BCAS3: variants seen among roughly 807,000 people sequenced by gnomAD.
The protein encoded by BCAS3 is BCAS4/BCAS3 fusion.
A neutral mutation model predicts 116.1 loss-of-function variants in BCAS3; 53 were observed. The ratio of observed to expected loss-of-function variants is 0.46; its 90% CI spans 0.37 to 0.57. The LOEUF (loss-of-function observed/expected upper bound fraction) is 0.57, where lower values mean the gene tolerates loss of function less well. Among genes scored for constraint, BCAS3 ranks in the 20% least tolerant of loss-of-function variants. The pLI is 0.00. For missense variants in BCAS3, 917 were observed against 1,165.4 expected (o/e 0.79, Z 3.10); for synonymous variants, 391 against 408.2 (o/e 0.96, Z 0.51).
In BCAS3 at chr17:61,026,464, G is replaced by T. The variant is rs1372971093; in HGVS notation, c.1638-8202G>T. ...ATATCAAATTTTTTATCCAGTCATC[G>T]TTAGCTAATTTTAACCATTTTGTGT... On this transcript the variant is annotated intron_variant, in intron 16 of 23. Coordinates refer to ENST00000407086, the MANE Select transcript of BCAS3 (RefSeq NM_017679.5). This position sits in a 1 kb window ranked among gnomAD's most constrained non-coding sequence, Gnocchi z 5.0. 6.6e-6 allele frequency among the ~76,000 whole-genome samples: 1 copy of T among 151,964 alleles called. No homozygotes were observed. Among genetic ancestry groups the T allele is most frequent in the East Asian group, 1.9e-4 (1 of 5,198 alleles).
chr17:61,117,101 C>T (rs1401957645), intron 22 of BCAS3, among the ~76,000 whole-genome samples: 1 of 152,188 alleles, frequency 6.6e-6, no homozygotes, highest in African/African-American at 2.4e-5. Flanking sequence ...CCTTTCTCCA[C>T]TCCTTTCGGG....
At chr17:60,893,270 G>C (rs2057297045) in intron 10 of BCAS3, among the ~76,000 whole-genome samples, 1 of 152,014 alleles carries the variant, frequency 6.6e-6, no homozygotes, top group Non-Finnish European at 1.5e-5. Flanking sequence ...GTCTATTTTT[G>C]TTGCATTTGT....
rs145142132 is a variant in BCAS3, at chr17:61,049,903, G to T, written c.2029+9011G>T. ...ATGCGCCACCACGCCTGGCTAATTT[G>T]TTGTATTTTTAGTAGAGACGGGGTT... is the stretch of plus-strand genomic sequence containing the variant. On this transcript the variant is annotated intron_variant, in intron 19 of 23. Transcript: ENST00000407086. 2.0e-3 allele frequency among the ~76,000 whole-genome samples: 298 copies of T among 151,538 alleles called. 1 individual carries two copies. The highest frequency in any genetic ancestry group is 6.9e-3 in the African/African-American group (284 of 41,398).
intron 22 of BCAS3, among the ~76,000 whole-genome samples, chr17:61,320,948 G>A (rs2055160371): frequency 1.3e-5 from 2 of 152,140 alleles, no homozygotes; most frequent in South Asian, 2.1e-4. Flanking sequence ...TATCTCAGAT[G>A]AGCATTAAAG....
intron 14 of BCAS3, among the ~76,000 whole-genome samples, chr17:60,983,486 G>A (rs976478433): frequency 6.6e-6 from 1 of 152,094 alleles, no homozygotes; most frequent in Non-Finnish European, 1.5e-5. Flanking sequence ...TTGACAGCTA[G>A]TATCTTTAGC....
At chr17:61,125,877 A>G (rs2076022678) in intron 22 of BCAS3, among the ~76,000 whole-genome samples, 1 of 152,180 alleles carries the variant, frequency 6.6e-6, no homozygotes, top group Admixed American at 6.6e-5. Context: ...TAAATGCTGA[A>G]GATAGGCTTT....
intron 22 of BCAS3, among the ~76,000 whole-genome samples, chr17:61,091,755 G>C (rs1171002833): frequency 6.6e-6 from 1 of 152,154 alleles, no homozygotes; most frequent in East Asian, 1.9e-4. Flanking sequence ...TGTTCTGGAA[G>C]CTTGGTGTTA....
intron 7 of BCAS3, among the ~76,000 whole-genome samples, chr17:60,864,836 G>A (rs1472206585): frequency 6.6e-6 from 1 of 152,114 alleles, no homozygotes; most frequent in Non-Finnish European, 1.5e-5. Context: ...AGAGGCTATT[G>A]TAGGATTATT....
At chr17:61,090,096 C>T (rs532649961) in intron 22 of BCAS3, among the ~76,000 whole-genome samples, 4 of 152,296 alleles carry the variant, frequency 2.6e-5, no homozygotes, top group African/African-American at 9.6e-5. Flanking sequence ...AGTCATTCTC[C>T]TACCATGCCA....
chr17:61,024,643 G>A (rs900797955), intron 16 of BCAS3, among the ~76,000 whole-genome samples: 3 of 140,120 alleles, frequency 2.1e-5, no homozygotes, highest in South Asian at 2.1e-4. Flanking sequence ...GGAAAATCTC[G>A]AGGTTTTTTT....
At chr17:60,845,797 T>A (rs199808657) in intron 7 of BCAS3, among the ~76,000 whole-genome samples, 8 of 149,224 alleles carry the variant, frequency 5.4e-5, no homozygotes, top group African/African-American at 2.0e-4. Context: ...TTTTTTTTTT[T>A]TCTCTCTCTC....
At chr17:61,270,112 A>ATTTT (rs1202865412) in intron 22 of BCAS3, among the ~76,000 whole-genome samples, 15 of 68,832 alleles carry the variant, frequency 2.2e-4, no homozygotes, top group East Asian at 7.9e-4. Flanking sequence ...GCCTTCTGCC[A>ATTTT]TTTTTTTTTT....
chr17:60,873,909 G>A lies in BCAS3; in HGVS notation c.585-753G>A, dbSNP rs572058762. On this transcript the variant is annotated intron_variant, in intron 8 of 23. Transcript: ENST00000407086. ...TTTTGAGACAGGATCTCACTATGTT[G>A]CCTAGGCTGGTCTCAATCTCCTGGG... is the stretch of plus-strand genomic sequence containing the variant. Among the ~76,000 whole-genome samples the A allele has an allele frequency of 5.9e-5, 9 of 151,600 alleles. No homozygotes were observed. The South Asian group carries it at 1.9e-3, about 32-fold the overall frequency.
chr17:61,103,010 C>A (rs2074422122), intron 22 of BCAS3, among the ~76,000 whole-genome samples: 1 of 152,068 alleles, frequency 6.6e-6, no homozygotes. Context: ...TTGTAGATTC[C>A]TGGTTGAATC....
At chr17:60,764,323 G>T (rs915483245) in intron 6 of BCAS3, among the ~76,000 whole-genome samples, 8 of 152,040 alleles carry the variant, frequency 5.3e-5, no homozygotes, top group African/African-American at 1.9e-4. Context: ...CCTTTCTCTT[G>T]TGGGCATTTA....
chr17:60,702,593 AT>A (rs893020116), intron 4 of BCAS3, among the ~76,000 whole-genome samples: 9 of 150,288 alleles, frequency 6.0e-5, no homozygotes, highest in South Asian at 2.1e-4. Context: ...AAGAAAAGGA[AT>A]TTTTTTTTTC....
intron 23 of BCAS3, among the ~76,000 whole-genome samples, chr17:61,371,218 G>A (rs1167971809): frequency 2.0e-5 from 3 of 152,166 alleles, no homozygotes; most frequent in Non-Finnish European, 2.9e-5. Flanking sequence ...TGTTACATAG[G>A]TGTAGCCAGC....
At chr17:60,779,412 C>A (rs2045596713) in intron 6 of BCAS3, among the ~76,000 whole-genome samples, 1 of 151,140 alleles carries the variant, frequency 6.6e-6, no homozygotes, top group Non-Finnish European at 1.5e-5. Context: ...CCTTATTGCC[C>A]AGGCTGGAGT....
chr17:61,108,350 T>C (rs911902842), intron 22 of BCAS3, among the ~76,000 whole-genome samples: 1 of 152,190 alleles, frequency 6.6e-6, no homozygotes. Context: ...AAACATATAG[T>C]TGAGTCATGT....
Sources: allele counts gnomAD v4.1 joint callset (sites outside exome capture counted in the v4.1 genomes callset), GRCh38; gene constraint gnomAD v4.1.1; non-coding constraint Gnocchi (gnomAD v3.1); transcripts MANE v1.5; gene names NCBI Gene and HGNC (gene_info 2026-07-23, HGNC 2026-07-21).